PHLDB2: variants seen among roughly 807,000 people sequenced by gnomAD.
PHLDB2 encodes pleckstrin homology-like domain family B member 2.
PHLDB2 carries 71 observed loss-of-function variants against 123.6 expected under a neutral mutation model. The observed-to-expected ratio is 0.57, with a 90% CI of 0.47 to 0.70. PHLDB2 has a LOEUF of 0.70. Among genes scored for constraint, PHLDB2 ranks in the 30% least tolerant of loss-of-function variants. The pLI is 0.00. For missense variants in PHLDB2, 1,446 were observed against 1,519.5 expected (o/e 0.95, Z 0.80); for synonymous variants, 547 against 541.6 (o/e 1.01, Z -0.14).
At chr3:111,788,504 T>A (rs138100688) in intron 1 of PHLDB2, among the ~76,000 whole-genome samples, 1 of 152,356 alleles carries the variant, frequency 6.6e-6, no homozygotes, top group Non-Finnish European at 1.5e-5. Flanking sequence ...GAAAAGAAGA[T>A]CTTTATAAAG....
chr3:111,958,144 G>A, intron 12 of PHLDB2: 3 of 312,128 alleles, frequency 9.6e-6, no homozygotes, highest in Non-Finnish European at 1.4e-5. Context: ...CATGTTGGAA[G>A]TGTTGTATGT....
intron 1 of PHLDB2, among the ~76,000 whole-genome samples, chr3:111,745,967 G>C (rs2059675212): frequency 6.6e-6 from 1 of 152,110 alleles, no homozygotes; most frequent in South Asian, 2.1e-4. Flanking sequence ...GAAGAAGCAG[G>C]AACAACATTT....
At chr3:111,930,415 T>TC (rs2069073610) in intron 5 of PHLDB2, among the ~76,000 whole-genome samples, 2 of 147,066 alleles carry the variant, frequency 1.4e-5, no homozygotes, top group East Asian at 2.0e-4. Flanking sequence ...GTAGTCTTCT[T>TC]TTTTAAATTA....
intron 5 of PHLDB2, among the ~76,000 whole-genome samples, chr3:111,924,697 C>T (rs2068717604): frequency 6.6e-6 from 1 of 152,238 alleles, no homozygotes; most frequent in African/African-American, 2.4e-5. Context: ...GAAAAGATAT[C>T]TCTGTTGGGC....
At chr3:111,958,258 C>T in intron 12 of PHLDB2, 1 of 987,762 alleles carries the variant, frequency 1.0e-6, no homozygotes, top group Non-Finnish European at 1.2e-6. Flanking sequence ...CTTCTTCTGG[C>T]TGTGGACTGT....
At chr3:111,866,370 G>A (rs2065083344) in intron 1 of PHLDB2, among the ~76,000 whole-genome samples, 1 of 152,100 alleles carries the variant, frequency 6.6e-6, no homozygotes. Context: ...CATGGAAGAT[G>A]TGGTTGACCT....
intron 15 of PHLDB2, among the ~76,000 whole-genome samples, chr3:111,968,559 C>T (rs2071960155): frequency 6.6e-6 from 1 of 152,118 alleles, no homozygotes. Context: ...AAGCTGAACT[C>T]TATTTTATCA....
chr3:111,916,220 AG>A (rs1332907345), intron 3 of PHLDB2: 1 of 152,192 alleles, frequency 6.6e-6, no homozygotes, highest in Admixed American at 6.5e-5. Flanking sequence ...GTTGCAAGAG[AG>A]GTAAGACTCT....
At position 111,810,439 on chromosome 3, in the gene PHLDB2, C is replaced by T. The variant is rs188464419; in HGVS notation, c.-48-35382C>T. Reference sequence around the variant, plus strand: ...TCAGGGTGCCAGCATGCTCAATTTCCGGTGGGAGCCCTCTTCCTGGCTTGC... The same window carrying T: ...TCAGGGTGCCAGCATGCTCAATTTCTGGTGGGAGCCCTCTTCCTGGCTTGC... On this transcript the variant is annotated intron_variant, in intron 1 of 17. Transcript: ENST00000393923. Among the ~76,000 whole-genome samples, 172 of 152,168 alleles carry T rather than the reference C, an allele frequency of 1.1e-3. 1 individual carries two copies. The highest frequency in any genetic ancestry group is 3.7e-3 in the African/African-American group (153 of 41,526).
At chr3:111,921,119 T>C (rs962560739) in intron 5 of PHLDB2, among the ~76,000 whole-genome samples, 7 of 152,226 alleles carry the variant, frequency 4.6e-5, no homozygotes, top group African/African-American at 1.7e-4. Flanking sequence ...CACTTGCAAA[T>C]TTTAGAATTC....
At chr3:111,860,018 G>C (rs1021706) in intron 1 of PHLDB2, 75,463 of 480,386 alleles carry the variant, frequency 0.16, 6,620 homozygotes, top group Admixed American at 0.18. Context: ...TGACTCTCGG[G>C]GGGCTGGGTA....
chr3:111,919,888 A>G (rs1236225027), intron 4 of PHLDB2, among the ~76,000 whole-genome samples: 1 of 152,162 alleles, frequency 6.6e-6, no homozygotes, highest in Non-Finnish European at 1.5e-5. Context: ...ATTGCGAGGA[A>G]TGCAGAGCTC....
At chr3:111,922,597 G>C (rs768947112) in intron 5 of PHLDB2, among the ~76,000 whole-genome samples, 2 of 152,158 alleles carry the variant, frequency 1.3e-5, no homozygotes, top group Non-Finnish European at 2.9e-5. Context: ...ACTGGCTTGG[G>C]GTGAGGAACT....
intron 2 of PHLDB2, among the ~76,000 whole-genome samples, chr3:111,849,110 A>G (rs1273550343): frequency 1.3e-5 from 2 of 152,226 alleles, no homozygotes; most frequent in South Asian, 2.1e-4. Flanking sequence ...TAACTTTAAT[A>G]TTAACATTGA....
chr3:111,819,311 C>A (rs530743425), intron 1 of PHLDB2, among the ~76,000 whole-genome samples: 1 of 152,194 alleles, frequency 6.6e-6, no homozygotes, highest in Non-Finnish European at 1.5e-5. Flanking sequence ...TTTACAACGA[C>A]AAATCTTCGA....
upstream of PHLDB2, chr3:111,859,211 A>C: frequency 1.0e-6 from 1 of 985,392 alleles, no homozygotes; most frequent in Non-Finnish European, 1.2e-6. Context: ...CCTAGGACGT[A>C]AACCCTCCCG....
chr3:111,837,398 G>T (rs190734776), intron 1 of PHLDB2, among the ~76,000 whole-genome samples: 90 of 152,254 alleles, frequency 5.9e-4, no homozygotes, highest in African/African-American at 2.1e-3. Context: ...GTGGCATGGA[G>T]AAGAGTGTGT....
At chr3:111,888,597 C>T (rs1025306329) in intron 2 of PHLDB2, among the ~76,000 whole-genome samples, 4 of 152,196 alleles carry the variant, frequency 2.6e-5, no homozygotes, top group Non-Finnish European at 5.9e-5. Flanking sequence ...GGAAGTTACA[C>T]TTGTAAGGTA....
At chr3:111,914,092 CTT>C (rs1367801203) in intron 3 of PHLDB2, 1 of 170,328 alleles carries the variant, frequency 5.9e-6, no homozygotes, top group Non-Finnish European at 1.3e-5. Flanking sequence ...GTGTTCTGTA[CTT>C]TTTTTCCCTC....
Sources: gnomAD v4.1 joint callset for allele counts (sites outside exome capture counted in the v4.1 genomes callset) on GRCh38, gnomAD v4.1.1 for gene constraint, MANE v1.5 for transcripts, NCBI Gene and HGNC (gene_info 2026-07-23, HGNC 2026-07-21) for gene names.